ANAPC4: variants seen among roughly 807,000 people sequenced by gnomAD.
ANAPC4 encodes anaphase-promoting complex subunit 4.
ANAPC4 carries 63 observed loss-of-function variants against 119.8 expected under a neutral mutation model. The ratio of observed to expected loss-of-function variants is 0.53; its 90% CI spans 0.43 to 0.65. The LOEUF is 0.65. ANAPC4 is among the 30% of genes least tolerant of loss of function. ANAPC4 has a pLI of 0.00. For synonymous variants in ANAPC4, 283 were observed against 318.6 expected (o/e 0.89, Z 1.19); for missense variants, 716 against 945.1 (o/e 0.76, Z 3.18).
chr4:25,403,545 GA>G (rs199845561), intron 17 of ANAPC4, among the ~76,000 whole-genome samples: 5 of 150,198 alleles, frequency 3.3e-5, no homozygotes, highest in African/African-American at 9.8e-5. Context: ...AAGTAAAAAA[GA>G]AAAAAAAATA....
intron 21 of ANAPC4, among the ~76,000 whole-genome samples, chr4:25,410,236 A>C (rs1723489034): frequency 6.6e-6 from 1 of 152,138 alleles, no homozygotes; most frequent in South Asian, 2.1e-4. Flanking sequence ...GAATGTCAGA[A>C]TGTTAATACC....
chr4:25,394,607 T>G (rs999705157), intron 12 of ANAPC4, 64 bp from the exon 13 acceptor site: 2 of 1,488,816 alleles, frequency 1.3e-6, no homozygotes. Flanking sequence ...ATTTAAAAGT[T>G]GTAAGTGATG....
intron 16 of ANAPC4, among the ~76,000 whole-genome samples, chr4:25,397,818 A>C (rs1722742609): frequency 6.6e-6 from 1 of 151,668 alleles, no homozygotes; most frequent in African/African-American, 2.4e-5. Flanking sequence ...ATTTCATAAC[A>C]GTGTTTTTGG....
chr4:25,411,535 G>GGGTCA (rs1441835728), intron 21 of ANAPC4, among the ~76,000 whole-genome samples: 1 of 152,126 alleles, frequency 6.6e-6, no homozygotes, highest in Non-Finnish European at 1.5e-5. Flanking sequence ...TAGGGTACAT[G>GGGTCA]GGTCAGTATT....
chr4:25,414,556 T>C (rs1247067606), intron 24 of ANAPC4, 43 bp from the exon 25 acceptor site: 1 of 1,567,638 alleles, frequency 6.4e-7, no homozygotes, highest in Non-Finnish European at 8.7e-7. Context: ...TTTTGTTTTA[T>C]CCATCAATAG....
intron 4 of ANAPC4, among the ~76,000 whole-genome samples, chr4:25,387,453 G>A (rs1331215724): frequency 6.6e-6 from 1 of 152,186 alleles, no homozygotes; most frequent in Non-Finnish European, 1.5e-5. Context: ...ATAAACCAGA[G>A]TGATAAATCC....
chr4:25,394,366 G>GAA lies in ANAPC4; in HGVS notation c.935_936dup (p.Ala313LysfsTer10). 6.3e-7 allele frequency: 1 copy of GAA among 1,576,876 alleles called. No homozygotes were observed. The highest frequency in any genetic ancestry group is 8.5e-7 in the Non-Finnish European group (1 of 1,170,356). On this transcript the variant is annotated frameshift_variant, in exon 12 of 29. Transcript: ENST00000315368. LOFTEE classifies it high-confidence loss of function. ...AGTTCATGCACTTGCTATTATGGGG[G>GAA]AAAGCAAGGTAATAAACTCAGATTA...
chr4:25,381,526 G>A (rs1265996146), intron 3 of ANAPC4, among the ~76,000 whole-genome samples: 1 of 152,122 alleles, frequency 6.6e-6, no homozygotes, highest in African/African-American at 2.4e-5. Context: ...TGGCCAGGCT[G>A]GTCTCGAACG....
At chr4:25,416,254 A>G in intron 26 of ANAPC4, 171 bp from the exon 27 acceptor site, 4 of 438,480 alleles carry the variant, frequency 9.1e-6, no homozygotes. Context: ...AATAATCAGT[A>G]CAAAAAGTAA....
chr4:25,391,791 G>A (rs959835681), intron 9 of ANAPC4, among the ~76,000 whole-genome samples: 1 of 152,182 alleles, frequency 6.6e-6, no homozygotes, highest in African/African-American at 2.4e-5. Flanking sequence ...TTTGTATTCA[G>A]AGCATCAGAG....
intron 17 of ANAPC4, among the ~76,000 whole-genome samples, chr4:25,403,879 TAGTA>T (rs1289478759): frequency 1.3e-5 from 2 of 152,234 alleles, no homozygotes; most frequent in Non-Finnish European, 2.9e-5. Flanking sequence ...GGCAGGTAGT[TAGTA>T]AGTATTTGCT....
At position 25,418,437 on chromosome 4, in the gene ANAPC4, A is replaced by C. The variant is rs1163786795; in HGVS notation, c.*55A>C. The C allele has an allele frequency of 4.1e-6, 6 of 1,475,710 alleles. No homozygotes were observed. The East Asian group carries it at 1.4e-4, about 34-fold the overall frequency. The allele number at this position is 1,475,710 out of a possible 1,614,324, so 91.4% of individuals were successfully genotyped here. ...ATGGCCAAAAGGACATAGGAGATGGACTAAGATGTCTTGGACCACCTTTGT... is the reference window on the plus strand; with the variant it reads ...ATGGCCAAAAGGACATAGGAGATGGCCTAAGATGTCTTGGACCACCTTTGT... On this transcript the variant is annotated 3_prime_UTR_variant, in exon 29 of 29. Coordinates refer to ENST00000315368, the MANE Select transcript of ANAPC4 (RefSeq NM_013367.3).
intron 16 of ANAPC4, 32 bp downstream of exon 16, chr4:25,396,931 C>T: frequency 1.9e-6 from 3 of 1,574,708 alleles, no homozygotes; most frequent in Non-Finnish European, 2.6e-6. Flanking sequence ...AATCACTGAC[C>T]TAAGAATATG....
In ANAPC4 at chr4:25,394,831, C is replaced by A. The variant is rs949367854; in HGVS notation, c.987C>A (p.Gly329=). The A allele has an allele frequency of 6.2e-7, 1 of 1,609,976 alleles. No individual in the cohort carries two copies. The highest frequency in any genetic ancestry group is 2.2e-5 in the East Asian group (1 of 44,802). Residue 329 remains glycine, a splice_region_variant and synonymous_variant, in exon 14 of 29, where the codon GGC becomes GGA. Coordinates refer to ENST00000315368, the MANE Select transcript of ANAPC4 (RefSeq NM_013367.3). The part of the protein sequence containing the change: ...TLLMNQLTVK[G]LKKLGQSIES... Reference sequence around the variant, plus strand: ...ATATATTTTCCTTTTTTAATTAGGGCTTGAAAAAGCTTGGCCAGTCTATAG... The same window carrying A: ...ATATATTTTCCTTTTTTAATTAGGGATTGAAAAAGCTTGGCCAGTCTATAG...
intron 3 of ANAPC4, among the ~76,000 whole-genome samples, chr4:25,380,919 C>T (rs1366991916): frequency 6.6e-6 from 1 of 152,180 alleles, no homozygotes; most frequent in Non-Finnish European, 1.5e-5. Context: ...GTTTGCCTCA[C>T]CTGGGGGACT....
chr4:25,410,999 GTGAATGAA>G (rs33984403), intron 21 of ANAPC4, among the ~76,000 whole-genome samples: 31,167 of 150,522 alleles, frequency 0.21, 3,559 homozygotes, highest in African/African-American at 0.31. Context: ...TGCTGCTTCT[GTGAATGAA>G]TGAATGAATG....
In ANAPC4 at chr4:25,413,702, G is replaced by T. The variant is rs796307790; in HGVS notation, c.1583G>T (p.Arg528Leu). The T allele has an allele frequency of 2.5e-6, 4 of 1,613,236 alleles. No homozygotes were observed. The highest frequency in any genetic ancestry group is 1.3e-5 in the African/African-American group (1 of 74,836). Reference sequence around the variant, plus strand: ...AAATCATTGCATTTTGTGAAAAGGCGGATGGAGAATATTATTGATCAGTGT... The same window carrying T: ...AAATCATTGCATTTTGTGAAAAGGCTGATGGAGAATATTATTGATCAGTGT... ...PRKSLHFVKRRMENIIDQCLQ... is the reference protein window; with the variant it reads ...PRKSLHFVKRLMENIIDQCLQ... Residue 528 changes from arginine to leucine, a missense_variant, in exon 22 of 29, where the codon CGG (arginine) becomes CTG (leucine). Arg to Leu is a moderately radical substitution (Grantham distance 102). Coordinates refer to ENST00000315368, the MANE Select transcript of ANAPC4 (RefSeq NM_013367.3).
At chr4:25,394,412 T>C (rs776103074) in intron 12 of ANAPC4, 38 bp downstream of exon 12, 2 of 1,502,976 alleles carry the variant, frequency 1.3e-6, no homozygotes, top group South Asian at 1.3e-5. Flanking sequence ...TTTTTGCTTC[T>C]TTTTTAACAG....
At chr4:25,403,182 A>G (rs539000782) in intron 17 of ANAPC4, among the ~76,000 whole-genome samples, 156 bp downstream of exon 17, 4 of 152,170 alleles carry the variant, frequency 2.6e-5, no homozygotes, top group Non-Finnish European at 4.4e-5. Context: ...TTCAGCAGTT[A>G]TCAACACATG....
Sources: allele counts gnomAD v4.1 joint callset (sites outside exome capture counted in the v4.1 genomes callset), GRCh38; gene constraint gnomAD v4.1.1; transcripts MANE v1.5; gene names NCBI Gene and HGNC (gene_info 2026-07-23, HGNC 2026-07-21).